PDZD2: variants seen among roughly 807,000 people sequenced by gnomAD.
PDZD2 encodes the protein PDZ domain-containing protein 2.
PDZD2 carries 90 observed loss-of-function variants against 220.7 expected under a neutral mutation model. The observed-to-expected ratio is 0.41, with a 90% CI of 0.34 to 0.49. The LOEUF (loss-of-function observed/expected upper bound fraction) is 0.49. Ranked by LOEUF, PDZD2 falls within the 20% of genes least tolerant of loss-of-function variation. The pLI, the probability that PDZD2 is intolerant of heterozygous loss-of-function variation, is 0.28. For synonymous variants in PDZD2, 1,375 were observed against 1,450.5 expected (o/e 0.95, Z 1.18); for missense variants, 3,174 against 3,608.5 (o/e 0.88, Z 3.08).
chr5:32,095,503 A>G (rs1307166655), intron 21 of PDZD2, among the ~76,000 whole-genome samples: 2 of 152,078 alleles, frequency 1.3e-5, no homozygotes, highest in Non-Finnish European at 2.9e-5. Flanking sequence ...GCTGAAAACA[A>G]ACCCTGGCCT....
chr5:32,016,084 A>G (rs1668475414), intron 6 of PDZD2, among the ~76,000 whole-genome samples: 1 of 152,210 alleles, frequency 6.6e-6, no homozygotes, highest in South Asian at 2.1e-4. Flanking sequence ...AGGAAAGAAG[A>G]GCAAAGCAGG....
intron 5 of PDZD2, 112 bp from the exon 6 acceptor site, chr5:32,010,218 C>G: frequency 1.4e-6 from 1 of 707,978 alleles, no homozygotes; most frequent in Non-Finnish European, 2.4e-6. Flanking sequence ...AACATTTACT[C>G]CATGTAGTCT....
chr5:31,697,866 C>T (rs1000973642), intron 1 of PDZD2, among the ~76,000 whole-genome samples: 1 of 151,734 alleles, frequency 6.6e-6, no homozygotes, highest in Non-Finnish European at 1.5e-5. Context: ...CAAGTCTCTA[C>T]CTCCTTCCTT....
rs572829655 is a variant in PDZD2 at position 31,924,298 on chromosome 5, G to C, written c.477-58857G>C. Among the ~76,000 whole-genome samples, 4 of 152,290 alleles carry C rather than the reference G, an allele frequency of 2.6e-5. No individual in the cohort carries two copies. The South Asian group carries it at 6.2e-4, about 24-fold the overall frequency. On this transcript the variant is annotated intron_variant, in intron 2 of 24. Coordinates refer to ENST00000438447, the MANE Select transcript of PDZD2 (RefSeq NM_178140.4). ...TGCCATTTGGCTTGTTCTCCCTGCTGTGCGGTGCCAATTAGGTGGACTGTG... is the reference window on the plus strand; with the variant it reads ...TGCCATTTGGCTTGTTCTCCCTGCTCTGCGGTGCCAATTAGGTGGACTGTG...
intron 2 of PDZD2, among the ~76,000 whole-genome samples, chr5:31,938,977 A>C (rs969492615): frequency 2.9e-4 from 44 of 152,304 alleles, no homozygotes; most frequent in African/African-American, 1.0e-3. Flanking sequence ...CTCACAGGAG[A>C]TTGTTGTTTA....
chr5:31,709,090 G>T (rs1465007114), intron 1 of PDZD2, among the ~76,000 whole-genome samples: 5 of 152,028 alleles, frequency 3.3e-5, no homozygotes, highest in Non-Finnish European at 7.4e-5. Flanking sequence ...GTTTCACCAT[G>T]TTGGCCAGGC....
chr5:31,928,050 G>C (rs774872976), intron 2 of PDZD2, among the ~76,000 whole-genome samples: 3 of 152,164 alleles, frequency 2.0e-5, no homozygotes, highest in Non-Finnish European at 4.4e-5. Context: ...CTGAGGGATG[G>C]GGACTGAGTT....
intron 9 of PDZD2, among the ~76,000 whole-genome samples, chr5:32,053,142 C>T (rs979623167): frequency 3.3e-5 from 5 of 152,204 alleles, no homozygotes; most frequent in African/African-American, 7.2e-5. Context: ...TTTGCTCCTA[C>T]GATGTAAGGA....
chr5:32,090,985 G>A lies in PDZD2; in HGVS notation c.7537G>A (p.Glu2513Lys). 6.2e-7 allele frequency: 1 copy of A among 1,613,922 alleles called. No homozygotes were observed. Among genetic ancestry groups the A allele is most frequent in the South Asian group, 1.1e-5 (1 of 91,080 alleles). Residue 2513 changes from glutamate (E) to lysine (K), a missense_variant, in exon 20 of 25, where the codon GAG becomes AAG. Glu to Lys is a moderately conservative substitution (Grantham distance 56). Transcript: ENST00000438447. The surrounding 1 kb of genome is among the most constrained non-coding windows in gnomAD (Gnocchi z 4.3). ...AGPSAVLFKT[E>K]LEITPRRSPG... ...GCCGAGCGCCGTGCTCTTCAAAACTGAGCTGGAGATCACCCCCAGGAGGTC... is the reference window on the plus strand; with the variant it reads ...GCCGAGCGCCGTGCTCTTCAAAACTAAGCTGGAGATCACCCCCAGGAGGTC...
intron 5 of PDZD2, among the ~76,000 whole-genome samples, chr5:32,001,957 C>T (rs1004663035): frequency 6.6e-6 from 1 of 152,136 alleles, no homozygotes; most frequent in Non-Finnish European, 1.5e-5. Context: ...TGAGGCCACA[C>T]CCTCTTAGCC....
At chr5:31,658,224 C>T (rs1472699572) in intron 1 of PDZD2, among the ~76,000 whole-genome samples, 1 of 152,138 alleles carries the variant, frequency 6.6e-6, no homozygotes. Context: ...CTCTTCCCCT[C>T]CCCTTCAAAC....
At chr5:31,642,200 G>A (rs1390247224) in intron 1 of PDZD2, among the ~76,000 whole-genome samples, 1 of 152,210 alleles carries the variant, frequency 6.6e-6, no homozygotes, top group African/African-American at 2.4e-5. Context: ...CAAATCCAAA[G>A]AGAGGCTGAA....
At chr5:31,760,836 T>A (rs1459582755) in intron 1 of PDZD2, among the ~76,000 whole-genome samples, 3 of 152,102 alleles carry the variant, frequency 2.0e-5, no homozygotes, top group Non-Finnish European at 4.4e-5. Context: ...GTGGGAGAAT[T>A]GCTTGAGCCC....
At chr5:31,753,632 C>T (rs1751142560) in intron 1 of PDZD2, among the ~76,000 whole-genome samples, 1 of 152,148 alleles carries the variant, frequency 6.6e-6, no homozygotes, top group Non-Finnish European at 1.5e-5. Flanking sequence ...AACAAACAAA[C>T]AAACAGCGAA....
chr5:31,854,917 G>A (rs556321437), intron 2 of PDZD2: 585 of 948,318 alleles, frequency 6.2e-4, no homozygotes, highest in Admixed American at 7.7e-4. Flanking sequence ...GAGGGAGGAG[G>A]GGGGGGTCCT....
chr5:32,080,628 T>A (rs978104893), intron 19 of PDZD2, among the ~76,000 whole-genome samples: 8 of 152,196 alleles, frequency 5.3e-5, no homozygotes, highest in African/African-American at 1.9e-4. Flanking sequence ...TTCTTTCCTT[T>A]CTTGCCACTG....
In PDZD2 at chr5:31,878,905, T is replaced by C. The variant is rs576717323; in HGVS notation, c.476+79181T>C. 1.5e-3 allele frequency among the ~76,000 whole-genome samples: 235 copies of C among 151,934 alleles called. 2 individuals are homozygous for C. The highest frequency in any genetic ancestry group is 1.9e-3 in the Non-Finnish European group (130 of 67,952). On this transcript the variant is annotated intron_variant, in intron 2 of 24. Coordinates refer to ENST00000438447, the MANE Select transcript of PDZD2 (RefSeq NM_178140.4). ...ATTTGTTAGAAAATGGCTAACCCAG[T>C]GTTTAAATATCTGTTATTGTCTACC...
Position 31,831,264 on chromosome 5 carries a change from C to T in PDZD2, c.476+31540C>T, listed in dbSNP as rs552992250. Among the ~76,000 whole-genome samples the T allele has an allele frequency of 4.0e-5, 6 of 150,742 alleles. No homozygotes were observed. In the South Asian group the frequency reaches 8.5e-4, roughly 21 times the overall value. ...TTTGGGAGGCTGAGGCAGTGGATCA[C>T]GAAGTCAAGAAATCGAGACCATCGT... On this transcript the variant is annotated intron_variant, in intron 2 of 24. Coordinates refer to ENST00000438447, the MANE Select transcript of PDZD2 (RefSeq NM_178140.4).
chr5:31,930,213 TTTTTTTTTTTTG>T (rs1269408800), intron 2 of PDZD2, among the ~76,000 whole-genome samples: 704 of 70,272 alleles, frequency 0.01, 8 homozygotes, highest in South Asian at 0.015. Context: ...TTTTTTTTTT[TTTTTTTTTTTTG>T]GAGACAGTCT....
Sources: gnomAD v4.1 joint callset for allele counts (sites outside exome capture counted in the v4.1 genomes callset) on GRCh38, gnomAD v4.1.1 for gene constraint, Gnocchi (gnomAD v3.1) non-coding constraint, MANE v1.5 for transcripts, NCBI Gene and HGNC (gene_info 2026-07-23, HGNC 2026-07-21) for gene names.